The following PDZRN4 variants were observed in gnomAD, a reference collection of about 807,000 sequenced individuals.
PDZRN4 encodes PDZ domain containing ring finger 4.
A neutral mutation model predicts 99.0 loss-of-function variants in PDZRN4; 70 were observed. The observed-to-expected ratio is 0.71, with a 90% confidence interval of 0.58 to 0.86. PDZRN4 has a LOEUF of 0.86. PDZRN4 is among the 40% of genes least tolerant of loss of function. The pLI, the probability that PDZRN4 is intolerant of heterozygous loss-of-function variation, is 0.00. For missense variants in PDZRN4, 1,474 were observed against 1,331.2 expected, an observed-to-expected ratio of 1.11 and a Z score of -1.67; for synonymous variants, 551 against 501.6, an observed-to-expected ratio of 1.10 and a Z score of -1.32.
At chr12:41,227,918 CA>C (rs780194388) in intron 3 of PDZRN4, among the ~76,000 whole-genome samples, 3,508 of 35,062 alleles carry the variant, frequency 0.1, 63 homozygotes, top group Admixed American at 0.18. Flanking sequence ...CACACACACA[CA>C]CCAGAAGGGT....
intron 5 of PDZRN4, among the ~76,000 whole-genome samples, chr12:41,522,508 C>A (rs2120718047): frequency 6.6e-6 from 1 of 152,156 alleles, no homozygotes; most frequent in Middle Eastern, 3.4e-3. Context: ...TAGATTAATT[C>A]ATATAGGTGG....
intron 3 of PDZRN4, among the ~76,000 whole-genome samples, chr12:41,316,456 ATG>A (rs71081722): frequency 0.12 from 17,496 of 144,286 alleles, 1,383 homozygotes; most frequent in African/African-American, 0.23. Flanking sequence ...AAAAAGGCAA[ATG>A]TGTGTGTGTG....
At chr12:41,556,181 C>G (rs1382436544) in intron 7 of PDZRN4, among the ~76,000 whole-genome samples, 1 of 152,212 alleles carries the variant, frequency 6.6e-6, no homozygotes, top group Non-Finnish European at 1.5e-5. Context: ...GCTATTATTA[C>G]TAGCAGCAGC....
intron 3 of PDZRN4, among the ~76,000 whole-genome samples, chr12:41,504,058 T>C (rs2733285): frequency 0.54 from 82,275 of 151,768 alleles, 23,063 homozygotes; most frequent in African/African-American, 0.7. Context: ...ATCACGAGGT[T>C]AGGAGTTAGA....
At chr12:41,263,154 G>A (rs185709583) in intron 3 of PDZRN4, among the ~76,000 whole-genome samples, 1 of 152,270 alleles carries the variant, frequency 6.6e-6, no homozygotes, top group Admixed American at 6.5e-5. Flanking sequence ...ATGTATCAAT[G>A]AGACATATAA....
At position 41,349,774 on chromosome 12, in the gene PDZRN4, C is replaced by T. The variant is rs570955505; in HGVS notation, c.843+155586C>T. On this transcript the variant is annotated intron_variant, in intron 3 of 9. Coordinates refer to ENST00000402685, the MANE Select transcript of PDZRN4 (RefSeq NM_001164595.2). ...TATTAAATACATAATTACAATGAGG[C>T]ATTTCATAACAGAGGTATATGTATA... 3.3e-5 allele frequency among the ~76,000 whole-genome samples: 5 copies of T among 151,970 alleles called. No individual in the cohort carries two copies. In the South Asian group the frequency reaches 1.0e-3, roughly 32 times the overall value.
intron 3 of PDZRN4, among the ~76,000 whole-genome samples, chr12:41,477,605 CA>C (rs1272754905): frequency 6.6e-6 from 1 of 152,110 alleles, no homozygotes; most frequent in Non-Finnish European, 1.5e-5. Context: ...CAGCCATCAG[CA>C]AAAGGTTCTT....
intron 3 of PDZRN4, among the ~76,000 whole-genome samples, chr12:41,204,524 T>G (rs1386540036): frequency 6.6e-6 from 1 of 151,534 alleles, no homozygotes; most frequent in African/African-American, 2.4e-5. Flanking sequence ...ACTGGGGAGG[T>G]CTCAGGAAAC....
intron 3 of PDZRN4, among the ~76,000 whole-genome samples, chr12:41,246,460 A>T (rs1173871641): frequency 6.6e-6 from 1 of 152,164 alleles, no homozygotes; most frequent in Non-Finnish European, 1.5e-5. Flanking sequence ...TCTTCTTGTT[A>T]TTGGGTTCTT....
intron 3 of PDZRN4, chr12:41,460,023 A>T (rs923845093): frequency 1.8e-5 from 23 of 1,288,292 alleles, no homozygotes; most frequent in Non-Finnish European, 2.2e-5. Flanking sequence ...GATGGAGAGT[A>T]TGTGTGGGAT....
chr12:41,379,001 G>C (rs2121097755), intron 3 of PDZRN4, among the ~76,000 whole-genome samples: 1 of 152,172 alleles, frequency 6.6e-6, no homozygotes, highest in African/African-American at 2.4e-5. Flanking sequence ...GTGCTATATG[G>C]TTTGGGCTTT....
chr12:41,402,165 T>C (rs1399492894), intron 3 of PDZRN4, among the ~76,000 whole-genome samples: 1 of 115,948 alleles, frequency 8.6e-6, no homozygotes, highest in South Asian at 2.7e-4. Flanking sequence ...TATATATATA[T>C]ATACACACTG....
intron 3 of PDZRN4, among the ~76,000 whole-genome samples, chr12:41,393,348 G>A (rs552282092): frequency 3.7e-4 from 56 of 152,198 alleles, no homozygotes; most frequent in Non-Finnish European, 6.9e-4. Flanking sequence ...CATTGTTGCC[G>A]TGGCTGTGTG....
intron 3 of PDZRN4, among the ~76,000 whole-genome samples, chr12:41,417,049 A>T (rs1276672342): frequency 6.6e-6 from 1 of 152,214 alleles, no homozygotes; most frequent in Non-Finnish European, 1.5e-5. Flanking sequence ...TAAAGAGGTA[A>T]CCTCTGTTTA....
chr12:41,400,260 T>C (rs1246664818), intron 3 of PDZRN4, among the ~76,000 whole-genome samples: 2 of 152,130 alleles, frequency 1.3e-5, no homozygotes, highest in Non-Finnish European at 2.9e-5. Flanking sequence ...ATAGACACTA[T>C]TGGTACTTAA....
chr12:41,329,042 G>C (rs1194933896), intron 3 of PDZRN4, among the ~76,000 whole-genome samples: 3 of 152,050 alleles, frequency 2.0e-5, no homozygotes, highest in African/African-American at 2.4e-5. Flanking sequence ...TTCTCTTTAG[G>C]GTTTGGACTT....
chr12:41,367,595 CA>C, intron 3 of PDZRN4, among the ~76,000 whole-genome samples: 1 of 152,082 alleles, frequency 6.6e-6, no homozygotes, highest in East Asian at 1.9e-4. Context: ...CTCATCGGTG[CA>C]CATTCTTTCT....
intron 3 of PDZRN4, among the ~76,000 whole-genome samples, chr12:41,457,104 CTAAT>C (rs1287674754): frequency 6.6e-6 from 1 of 152,094 alleles, no homozygotes; most frequent in Non-Finnish European, 1.5e-5. Flanking sequence ...AGATCTCTGA[CTAAT>C]TATTCACACA....
At chr12:41,335,747 C>T (rs1347013813) in intron 3 of PDZRN4, among the ~76,000 whole-genome samples, 1 of 151,948 alleles carries the variant, frequency 6.6e-6, no homozygotes, top group African/African-American at 2.4e-5. Flanking sequence ...GTTAATATGT[C>T]CAAGGTGTAT....
Sources: allele counts gnomAD v4.1 joint callset (sites outside exome capture counted in the v4.1 genomes callset), GRCh38; gene constraint gnomAD v4.1.1; transcripts MANE v1.5; gene names NCBI Gene and HGNC (gene_info 2026-07-23, HGNC 2026-07-21).